Variants in LDLRAD4 observed in about 807,000 individuals in gnomAD.
LDLRAD4 encodes the protein low-density lipoprotein receptor class A domain-containing protein 4.
A neutral mutation model predicts 17.0 loss-of-function variants in LDLRAD4; 5 were observed. That is an observed-to-expected ratio of 0.29 (90% CI 0.15 to 0.62). The LOEUF (loss-of-function observed/expected upper bound fraction) is 0.62. LDLRAD4 is among the 20% of genes least tolerant of loss of function. The pLI is 0.84. For synonymous variants in LDLRAD4, 168 were observed against 171.8 expected, an observed-to-expected ratio of 0.98 and a Z score of 0.17; for missense variants, 340 against 424.7, an observed-to-expected ratio of 0.80 and a Z score of 1.75.
intron 2 of LDLRAD4, among the ~76,000 whole-genome samples, chr18:13,410,654 G>T (rs2088250287): frequency 1.3e-5 from 2 of 152,194 alleles, no homozygotes; most frequent in Non-Finnish European, 2.9e-5. Flanking sequence ...GAAATATGTT[G>T]TGTATACATT....
chr18:13,540,354 G>A (rs1287084428), intron 3 of LDLRAD4, among the ~76,000 whole-genome samples: 1 of 152,228 alleles, frequency 6.6e-6, no homozygotes, highest in African/African-American at 2.4e-5. Flanking sequence ...GGGCACTAAT[G>A]TTTGCAGATG....
At chr18:13,219,787 C>G (rs1364778709) in intron 1 of LDLRAD4, among the ~76,000 whole-genome samples, 1 of 152,234 alleles carries the variant, frequency 6.6e-6, no homozygotes, top group African/African-American at 2.4e-5. Flanking sequence ...TGTATCTTCC[C>G]TGGAGCTTCA....
intron 3 of LDLRAD4, among the ~76,000 whole-genome samples, chr18:13,617,231 A>C (rs2040176368): frequency 6.6e-6 from 1 of 151,892 alleles, no homozygotes; most frequent in Non-Finnish European, 1.5e-5. Context: ...CCTGGCCTGG[A>C]GTTTAGTTTT....
At position 13,395,677 on chromosome 18, in the gene LDLRAD4, C is replaced by A. The variant is rs1357131436; in HGVS notation, c.40+7915C>A. 7.1e-3 allele frequency among the ~76,000 whole-genome samples: 485 copies of A among 68,074 alleles called. 10 individuals are homozygous for A. Among genetic ancestry groups the A allele is most frequent in the African/African-American group, 0.03 (451 of 15,246 alleles). 44.7% of individuals were successfully genotyped at this position (68,074 alleles called of 152,430 possible). A position where few individuals can be genotyped will look rare whatever the true frequency, so the allele number is the denominator to read the frequency against. ...GTGGGGGCAGGAGCTGGCGTGGGGGCGGGAGTTGGCGTTGGGTGGGGAGCT... is the reference window on the plus strand; with the variant it reads ...GTGGGGGCAGGAGCTGGCGTGGGGGAGGGAGTTGGCGTTGGGTGGGGAGCT... On this transcript the variant is annotated intron_variant, in intron 2 of 5. Coordinates refer to ENST00000359446, the Ensembl canonical transcript of LDLRAD4.
chr18:13,607,907 C>T lies in LDLRAD4; in HGVS notation c.182-13210C>T, dbSNP rs569980604. Among the ~76,000 whole-genome samples the T allele has an allele frequency of 2.7e-4, 41 of 152,236 alleles. No individual in the cohort carries two copies. In the South Asian group the frequency reaches 6.8e-3, roughly 25 times the overall value. ...TGTAAATAATGTTGCAATAAACATA[C>T]GTGTGCATGTGTCTTTATAGTAGAA... On this transcript the variant is annotated intron_variant, in intron 3 of 5. Transcript: ENST00000359446.
At chr18:13,279,394 C>T (rs917212192) in intron 1 of LDLRAD4, 2 of 152,340 alleles carry the variant, frequency 1.3e-5, no homozygotes, top group African/African-American at 4.8e-5. Context: ...GCCTCTCTAC[C>T]AGGGCTGACA....
chr18:13,359,330 G>A (rs932804428), intron 1 of LDLRAD4, among the ~76,000 whole-genome samples: 17 of 152,190 alleles, frequency 1.1e-4, no homozygotes, highest in Non-Finnish European at 1.6e-4. Flanking sequence ...TGTGGAGGAA[G>A]GGAGTGGGGT....
intron 1 of LDLRAD4, among the ~76,000 whole-genome samples, chr18:13,369,940 G>T (rs1297260530): frequency 6.6e-6 from 1 of 152,210 alleles, no homozygotes; most frequent in Non-Finnish European, 1.5e-5. Flanking sequence ...CCACCCAGGA[G>T]CGAGCCGTGG....
At chr18:13,499,034 ACG>A (rs2093554385) in intron 3 of LDLRAD4, among the ~76,000 whole-genome samples, 1 of 144,004 alleles carries the variant, frequency 6.9e-6, no homozygotes. Flanking sequence ...CTTGCCACAC[ACG>A]TCCTGCCGTG....
At chr18:13,588,364 T>C (rs2094962741) in intron 3 of LDLRAD4, among the ~76,000 whole-genome samples, 1 of 152,188 alleles carries the variant, frequency 6.6e-6, no homozygotes, top group Non-Finnish European at 1.5e-5. Context: ...ACACAGAGAT[T>C]TATACATAAC....
At chr18:13,280,535 T>C (rs1296687529) in intron 1 of LDLRAD4, among the ~76,000 whole-genome samples, 1 of 152,098 alleles carries the variant, frequency 6.6e-6, no homozygotes, top group Non-Finnish European at 1.5e-5. Flanking sequence ...ACTACGGAAG[T>C]TTGCTAAGGA....
At chr18:13,416,458 C>A (rs901744147) in intron 2 of LDLRAD4, among the ~76,000 whole-genome samples, 4 of 152,168 alleles carry the variant, frequency 2.6e-5, no homozygotes, top group African/African-American at 9.7e-5. Context: ...TTCGTCATCT[C>A]TCTGGGCATG....
intron 1 of LDLRAD4, among the ~76,000 whole-genome samples, chr18:13,289,212 T>C (rs2045826770): frequency 6.6e-6 from 1 of 152,190 alleles, no homozygotes; most frequent in Admixed American, 6.5e-5. Context: ...GTTCTAAAAG[T>C]AAAATTGTTC....
At chr18:13,555,093 A>G (rs1282977869) in intron 3 of LDLRAD4, among the ~76,000 whole-genome samples, 2 of 152,220 alleles carry the variant, frequency 1.3e-5, no homozygotes, top group South Asian at 2.1e-4. Flanking sequence ...TTATTCCTCA[A>G]ACTTGTCAAG....
intron 1 of LDLRAD4, among the ~76,000 whole-genome samples, chr18:13,357,342 G>C (rs1298836969): frequency 6.6e-6 from 1 of 151,662 alleles, no homozygotes; most frequent in East Asian, 1.9e-4. Flanking sequence ...TAGAGTGTTG[G>C]TATTACAGGC....
intron 2 of LDLRAD4, among the ~76,000 whole-genome samples, chr18:13,418,943 A>G (rs79554083): frequency 0.012 from 1,852 of 152,282 alleles, 37 homozygotes; most frequent in East Asian, 0.055. Flanking sequence ...GAATACATAG[A>G]TGATTGAATT....
chr18:13,371,246 TG>T (rs1245229581), intron 1 of LDLRAD4, among the ~76,000 whole-genome samples: 2 of 151,968 alleles, frequency 1.3e-5, no homozygotes, highest in African/African-American at 2.4e-5. Flanking sequence ...GAGGCTGAGA[TG>T]GGGGGGCCAG....
intron 3 of LDLRAD4, chr18:13,613,087 A>G: frequency 4.8e-6 from 1 of 210,372 alleles, no homozygotes; most frequent in East Asian, 1.1e-4. Flanking sequence ...TAAGGCTGAG[A>G]CCTCCCCTGG....
chr18:13,507,017 A>G (rs1600934149), intron 3 of LDLRAD4, among the ~76,000 whole-genome samples: 6 of 152,332 alleles, frequency 3.9e-5, no homozygotes, highest in Admixed American at 3.9e-4. Context: ...ACATGGAGCA[A>G]GTCTCTCAGT....
Sources: gnomAD v4.1 joint callset for allele counts (sites outside exome capture counted in the v4.1 genomes callset) on GRCh38, gnomAD v4.1.1 for gene constraint, MANE v1.5 for transcripts, NCBI Gene and HGNC (gene_info 2026-07-23, HGNC 2026-07-21) for gene names.